The following ZNG1B variants were observed in gnomAD, a reference collection of about 807,000 sequenced individuals.
The protein encoded by ZNG1B is Zn regulated GTPase metalloprotein activator 1B.
the ZNG1B span, among the ~76,000 whole-genome samples, chr2:113,439,702 G>C: frequency 6.6e-6 from 1 of 151,976 alleles, no homozygotes; most frequent in Non-Finnish European, 1.5e-5. Context: ...TACTTCAAAG[G>C]TGCCAAGTGT....
At chr2:113,490,545 G>C in the ZNG1B span, among the ~76,000 whole-genome samples, 1 of 152,102 alleles carries the variant, frequency 6.6e-6, no homozygotes, top group East Asian at 1.9e-4. Context: ...GAAACAAAAA[G>C]CTGGTTCTTT....
the ZNG1B span, among the ~76,000 whole-genome samples, chr2:113,477,993 T>G: frequency 0.28 from 41,750 of 150,100 alleles, 6,321 homozygotes; most frequent in East Asian, 0.52. Flanking sequence ...ATATGGCAAG[T>G]TTTCCTTTTT....
the ZNG1B span, among the ~76,000 whole-genome samples, chr2:113,442,629 T>C: frequency 6.6e-6 from 1 of 152,208 alleles, no homozygotes; most frequent in Admixed American, 6.5e-5. Flanking sequence ...TATTTTTTCC[T>C]GGATCATTTT....
At chr2:113,453,166 A>T in the ZNG1B span, 1 of 1,593,228 alleles carries the variant, frequency 6.3e-7, no homozygotes, top group Non-Finnish European at 8.5e-7. Flanking sequence ...TTTTGGGTTG[A>T]TGCTGAATTA....
the ZNG1B span, among the ~76,000 whole-genome samples, chr2:113,461,027 TTA>T: frequency 3.1e-3 from 449 of 144,342 alleles, 4 homozygotes; most frequent in Middle Eastern, 7.2e-3. Flanking sequence ...ATTGAAGATT[TTA>T]TATATATATA....
the ZNG1B span, among the ~76,000 whole-genome samples, chr2:113,442,480 C>A: frequency 1.3e-5 from 2 of 152,072 alleles, no homozygotes; most frequent in Non-Finnish European, 2.9e-5. Flanking sequence ...CAGTTATATT[C>A]GATTTCTGGT....
the ZNG1B span, among the ~76,000 whole-genome samples, chr2:113,486,707 G>A: frequency 3.9e-5 from 6 of 152,340 alleles, no homozygotes; most frequent in Non-Finnish European, 7.4e-5. Flanking sequence ...AGTAAGCCAT[G>A]ATTGTGCCAC....
the ZNG1B span, chr2:113,462,556 T>A: frequency 1.2e-5 from 19 of 1,555,904 alleles, no homozygotes; most frequent in Non-Finnish European, 1.6e-5. Context: ...GAATATTTTT[T>A]ACTCTGATTG....
At chr2:113,477,412 A>T in the ZNG1B span, among the ~76,000 whole-genome samples, 4 of 151,948 alleles carry the variant, frequency 2.6e-5, no homozygotes, top group Non-Finnish European at 5.9e-5. Flanking sequence ...ACCTGCGCCC[A>T]CTGTCTGGCA....
chr2:113,477,293 T>A, the ZNG1B span, among the ~76,000 whole-genome samples: 5,663 of 150,172 alleles, frequency 0.038, no homozygotes, highest in African/African-American at 0.072. Context: ...AGGTGCCGTC[T>A]GTCACCCCTT....
the ZNG1B span, among the ~76,000 whole-genome samples, chr2:113,452,183 T>C: frequency 6.6e-6 from 1 of 152,318 alleles, no homozygotes; most frequent in Admixed American, 6.5e-5. Flanking sequence ...TATTAAGCTT[T>C]TGGGAAAAAA....
chr2:113,445,589 T>G, the ZNG1B span: 1 of 148,692 alleles, frequency 6.7e-6, no homozygotes, highest in African/African-American at 2.5e-5. Flanking sequence ...AAGGGAATCA[T>G]GACAGGGAAC....
chr2:113,442,522 G>C, the ZNG1B span, among the ~76,000 whole-genome samples: 2 of 152,052 alleles, frequency 1.3e-5, no homozygotes, highest in African/African-American at 2.4e-5. Flanking sequence ...GTGCTTTTTA[G>C]GCAAAAATCC....
the ZNG1B span, chr2:113,439,010 T>A: frequency 8.5e-7 from 1 of 1,178,524 alleles, no homozygotes; most frequent in South Asian, 1.4e-5. Flanking sequence ...TTTTTGGCGT[T>A]TCCCCACAGT....
chr2:113,440,029 C>T, the ZNG1B span, among the ~76,000 whole-genome samples: 32 of 149,758 alleles, frequency 2.1e-4, no homozygotes, highest in African/African-American at 7.8e-4. Flanking sequence ...GGACTACAGG[C>T]GCCCGCCACT....
chr2:113,438,037 C>A, the ZNG1B span: 1 of 1,611,746 alleles, frequency 6.2e-7, no homozygotes, highest in African/African-American at 1.3e-5. Context: ...CTAACCATCC[C>A]AGTCACAAAA....
chr2:113,459,447 G>T, the ZNG1B span, among the ~76,000 whole-genome samples: 1 of 151,620 alleles, frequency 6.6e-6, no homozygotes, highest in East Asian at 1.9e-4. Flanking sequence ...ATTGACATTT[G>T]TGTAGCATTG....
At chr2:113,454,321 A>G in the ZNG1B span, among the ~76,000 whole-genome samples, 4 of 152,300 alleles carry the variant, frequency 2.6e-5, no homozygotes, top group East Asian at 7.7e-4. Context: ...TCTTTCGGCA[A>G]TAATTTAAAT....
the ZNG1B span, among the ~76,000 whole-genome samples, chr2:113,477,422 A>C: frequency 1.3e-5 from 2 of 151,618 alleles, no homozygotes; most frequent in Admixed American, 1.3e-4. Context: ...ACTGTCTGGC[A>C]CTCCCTAGTG....
Sources: allele counts gnomAD v4.1 joint callset (sites outside exome capture counted in the v4.1 genomes callset), GRCh38; gene constraint gnomAD v4.1.1; transcripts MANE v1.5; gene names NCBI Gene and HGNC (gene_info 2026-07-23, HGNC 2026-07-21).